SULT1B1: variants seen among roughly 807,000 people sequenced by gnomAD.
The protein encoded by SULT1B1 is sulfotransferase family 1B member 1.
Under a neutral mutation model 34.6 loss-of-function variants are expected in SULT1B1, and 28 were observed. The observed-to-expected ratio is 0.81, with a 90% confidence interval of 0.60 to 1.11. SULT1B1 has a LOEUF of 1.11. Ranked by LOEUF, SULT1B1 falls within the 50% of genes least tolerant of loss-of-function variation. SULT1B1 has a pLI of 0.00. For synonymous variants in SULT1B1, 147 were observed against 110.2 expected, an observed-to-expected ratio of 1.33 and a Z score of -2.09; for missense variants, 374 against 352.2, an observed-to-expected ratio of 1.06 and a Z score of -0.50.
intron 6 of SULT1B1, among the ~76,000 whole-genome samples, chr4:69,732,773 G>A (rs1718131699): frequency 6.6e-6 from 1 of 150,998 alleles, no homozygotes; most frequent in South Asian, 2.1e-4. Context: ...CAGTGAGATA[G>A]TAAGGAAGTA....
Position 69,730,573 on chromosome 4 carries a change from T to G in SULT1B1, c.706A>C (p.Asn236His), listed in dbSNP as rs932033253. ...HHTSFEVMKD[N>H]PLVNYTHLPT... ...AGATGTGTATAATTTACCAAAGGATTGTCCTTCATCACTTCAAATGAGGTG... is the reference window on the plus strand; with the variant it reads ...AGATGTGTATAATTTACCAAAGGATGGTCCTTCATCACTTCAAATGAGGTG... The change falls in exon 7 of 8, where the codon AAT becomes CAT. Residue 236 changes from asparagine to histidine, a missense_variant. Coordinates refer to ENST00000310613, the MANE Select transcript of SULT1B1 (RefSeq NM_014465.4). 25 of 1,613,216 alleles carry G rather than the reference T, an allele frequency of 1.5e-5. No homozygotes were observed. The highest frequency in any genetic ancestry group is 2.1e-5 in the Non-Finnish European group (25 of 1,179,520).
chr4:69,735,328 A>G (rs997372785), intron 4 of SULT1B1, among the ~76,000 whole-genome samples: 21 of 152,338 alleles, frequency 1.4e-4, no homozygotes, highest in Admixed American at 7.8e-4. Flanking sequence ...ACAAAAAAAT[A>G]TCTAGAAAAA....
rs1330813566 is a variant in SULT1B1 at position 69,723,661 on chromosome 4, A to G, written c.*3427T>C. 6.6e-6 allele frequency: 1 copy of G among 152,228 alleles called. No homozygotes were observed. The highest frequency in any genetic ancestry group is 2.4e-5 in the African/African-American group (1 of 41,456). The allele number at this position is 152,228 out of a possible 1,614,324, so 9.4% of individuals were successfully genotyped here. A position where few individuals can be genotyped will look rare whatever the true frequency, so the allele number is the denominator to read the frequency against. On this transcript the variant is annotated 3_prime_UTR_variant, in exon 8 of 8. Transcript: ENST00000310613. ...GGCAAACCGAATCCAGCAGCACATC[A>G]AAAAGCTTATCCACCATGATCAAGT...
At position 69,730,688 on chromosome 4, in the gene SULT1B1, G is replaced by A; in HGVS notation, c.598-7C>T. 1 of 1,609,236 alleles carries A rather than the reference G, an allele frequency of 6.2e-7. No individual in the cohort carries two copies. Among genetic ancestry groups the A allele is most frequent in the Non-Finnish European group, 8.5e-7 (1 of 1,178,340 alleles). On this transcript the variant is annotated splice_region_variant and splice_polypyrimidine_tract_variant and intron_variant, in intron 6 of 7. Transcript: ENST00000310613. ...TGATTTCCTCCTTTGGATTCTATTA[G>A]TGGGTAAAACCCAAGACAATAAACA...
chr4:69,732,859 G>A (rs181707914), intron 6 of SULT1B1, among the ~76,000 whole-genome samples: 1 of 152,022 alleles, frequency 6.6e-6, no homozygotes, highest in African/African-American at 2.4e-5. Context: ...AGGAAACAAA[G>A]ACAGTAAGAA....
At chr4:69,739,109 G>T (rs1157852100) in intron 4 of SULT1B1, among the ~76,000 whole-genome samples, 1 of 152,218 alleles carries the variant, frequency 6.6e-6, no homozygotes, top group African/African-American at 2.4e-5. Context: ...GGTGTTGAGT[G>T]TGTACAGCTT....
intron 3 of SULT1B1, among the ~76,000 whole-genome samples, chr4:69,751,394 G>A (rs1361595222): frequency 6.6e-6 from 1 of 152,156 alleles, no homozygotes; most frequent in Non-Finnish European, 1.5e-5. Context: ...ATATCCACAA[G>A]TATGAGTGTT....
At chr4:69,746,611 C>T (rs115716094) in intron 4 of SULT1B1, among the ~76,000 whole-genome samples, 2,059 of 152,174 alleles carry the variant, frequency 0.014, 56 homozygotes, top group African/African-American at 0.048. Context: ...ATCAGTTTTA[C>T]TGTATTCCTT....
intron 3 of SULT1B1, among the ~76,000 whole-genome samples, chr4:69,752,947 T>G (rs935029686): frequency 6.6e-6 from 1 of 152,196 alleles, no homozygotes. Flanking sequence ...CAGTTTCCTT[T>G]GCTAGCTTCT....
chr4:69,754,767 C>A lies in SULT1B1; in HGVS notation c.180G>T (p.Met60Ile). The change falls in exon 3 of 8, where the codon ATG becomes ATT. Residue 60 changes from methionine to isoleucine, a missense_variant. By Grantham distance (10) the Met-to-Ile change is conservative. Coordinates refer to ENST00000310613, the MANE Select transcript of SULT1B1 (RefSeq NM_014465.4). Reference sequence around the variant, plus strand: ...TTTCAATATCTCCATCATTTAGAATCATGTCTATAATTTCACTAACCCAAG... The same window carrying A: ...TTTCAATATCTCCATCATTTAGAATAATGTCTATAATTTCACTAACCCAAG... Reference protein sequence around the residue: ...GTTWVSEIIDMILNDGDIEKC... With the variant: ...GTTWVSEIIDIILNDGDIEKC... 1.2e-6 allele frequency: 2 copies of A among 1,612,790 alleles called. No individual in the cohort carries two copies. The highest frequency in any genetic ancestry group is 1.7e-6 in the Non-Finnish European group (2 of 1,179,342).
chr4:69,757,615 G>T (rs913017908), intron 1 of SULT1B1, among the ~76,000 whole-genome samples: 1 of 152,066 alleles, frequency 6.6e-6, no homozygotes, highest in Non-Finnish European at 1.5e-5. Flanking sequence ...CTAGGAGGGA[G>T]AAATTTGGGC....
chr4:69,745,707 T>C (rs1315097866), intron 4 of SULT1B1, among the ~76,000 whole-genome samples: 1 of 152,246 alleles, frequency 6.6e-6, no homozygotes, highest in Non-Finnish European at 1.5e-5. Flanking sequence ...AGCCCATTTG[T>C]ATTCCAGATC....
intron 2 of SULT1B1, 100 bp from the exon 3 acceptor site, chr4:69,754,898 A>G: frequency 7.1e-7 from 1 of 1,407,732 alleles, no homozygotes; most frequent in Non-Finnish European, 9.7e-7. Flanking sequence ...ATTCTATTAC[A>G]AACTTAATTC....
chr4:69,734,288 A>AG, intron 4 of SULT1B1, 24 bp from the exon 5 acceptor site: 1 of 1,599,090 alleles, frequency 6.3e-7, no homozygotes, highest in Non-Finnish European at 8.5e-7. Context: ...TGGGGGTAGG[A>AG]GAAAAAAATA....
At chr4:69,738,728 C>G (rs553394621) in intron 4 of SULT1B1, among the ~76,000 whole-genome samples, 43 of 152,282 alleles carry the variant, frequency 2.8e-4, no homozygotes, top group African/African-American at 9.6e-4. Flanking sequence ...AAAGTCTTAA[C>G]TTAATCCAGC....
At chr4:69,738,165 C>A (rs1045276879) in intron 4 of SULT1B1, among the ~76,000 whole-genome samples, 5 of 152,222 alleles carry the variant, frequency 3.3e-5, no homozygotes, top group Non-Finnish European at 7.3e-5. Context: ...CCTCCAGCTG[C>A]ATCCATGTTG....
chr4:69,751,378 C>T lies in SULT1B1; in HGVS notation c.278-1560G>A, dbSNP rs184591871. Among the ~76,000 whole-genome samples the T allele has an allele frequency of 5.3e-5, 8 of 152,326 alleles. No individual in the cohort carries two copies. In the East Asian group the frequency reaches 1.5e-3, roughly 29 times the overall value. Reference sequence around the variant, plus strand: ...TTTGCCAAGTGAGTCTTTTAATGAACCCTTTATATCCACAAGTATGAGTGT... The same window carrying T: ...TTTGCCAAGTGAGTCTTTTAATGAATCCTTTATATCCACAAGTATGAGTGT... On this transcript the variant is annotated intron_variant, in intron 3 of 7. Coordinates refer to ENST00000310613, the MANE Select transcript of SULT1B1 (RefSeq NM_014465.4).
chr4:69,730,277 A>G (rs1718021739), intron 7 of SULT1B1, among the ~76,000 whole-genome samples: 1 of 152,158 alleles, frequency 6.6e-6, no homozygotes, highest in Non-Finnish European at 1.5e-5. Flanking sequence ...CACAGTAGTA[A>G]ATAGAAGAAT....
chr4:69,758,266 T>A, intron 1 of SULT1B1: 25 of 977,958 alleles, frequency 2.6e-5, no homozygotes, highest in Non-Finnish European at 2.9e-5. Flanking sequence ...ATAAATTGAA[T>A]GAAGAAATGA....
Sources: allele counts gnomAD v4.1 joint callset (sites outside exome capture counted in the v4.1 genomes callset), GRCh38; gene constraint gnomAD v4.1.1; transcripts MANE v1.5; gene names NCBI Gene and HGNC (gene_info 2026-07-23, HGNC 2026-07-21).